Variants in WHRN observed in about 807,000 individuals in gnomAD.
The protein encoded by WHRN is CASK-interacting protein CIP98.
In WHRN, 41 loss-of-function variants were observed where a neutral mutation model predicts 68.3. That is an observed-to-expected ratio of 0.60 (90% CI 0.47 to 0.78). The LOEUF is 0.78. WHRN is among the 30% of genes least tolerant of loss of function. The probability of loss-of-function intolerance (pLI) is 0.00; values close to 1 mark genes in which losing one functional copy is unlikely to be tolerated. For synonymous variants in WHRN, 560 were observed against 561.3 expected (o/e 1.00, Z 0.03); for missense variants, 1,243 against 1,244.7 (o/e 1.00, Z 0.02).
chr9:114,402,092 GA>G lies in WHRN; in HGVS notation c.*661del, dbSNP rs1834735498. 1 of 154,380 alleles carries G rather than the reference GA, an allele frequency of 6.5e-6. No individual in the cohort carries two copies. Among genetic ancestry groups the G allele is most frequent in the South Asian group, 2.0e-4 (1 of 4,936 alleles). 9.6% of individuals were successfully genotyped at this position (154,380 alleles called of 1,614,324 possible). A position where few individuals can be genotyped will look rare whatever the true frequency, so the allele number is the denominator to read the frequency against. The stretch of plus-strand genomic sequence containing the variant: ...GCACGCTGACGTCTAACCTTGTTCA[GA>G]TTTCTTTATTGAAAAATTAAAGTCA... On this transcript the variant is annotated 3_prime_UTR_variant, in exon 12 of 12. Coordinates refer to ENST00000362057, the MANE Select transcript of WHRN (RefSeq NM_015404.4).
chr9:114,424,956 A>G, intron 5 of WHRN, 32 bp downstream of exon 5: 2 of 1,611,620 alleles, frequency 1.2e-6, no homozygotes, highest in East Asian at 2.2e-5. Flanking sequence ...AGCTGTGAGG[A>G]AGCAGAGAAT....
chr9:114,488,518 G>A (rs1432393747), intron 1 of WHRN, among the ~76,000 whole-genome samples: 1 of 152,002 alleles, frequency 6.6e-6, no homozygotes. Context: ...TAAACACCAG[G>A]CCAATCCTAC....
At position 114,407,986 on chromosome 9, in the gene WHRN, A is replaced by G. The variant is rs776775092; in HGVS notation, c.1659T>C (p.Ala553=). The change falls in exon 8 of 12, where the codon GCT becomes GCC. Residue 553 remains alanine, a synonymous_variant. Coordinates refer to ENST00000362057, the MANE Select transcript of WHRN (RefSeq NM_015404.4). ...NTLDLEETGE[A]VQGNINALPD... ...GGAGGGCGTTGATATTGCCCTGGAC[A>G]GCCTCGCCAGTTTCCTCCAGGTCCA... The G allele has an allele frequency of 6.2e-7, 1 of 1,604,652 alleles. No homozygotes were observed. Among genetic ancestry groups the G allele is most frequent in the Non-Finnish European group, 8.5e-7 (1 of 1,175,086 alleles).
chr9:114,440,300 A>C (rs1381383517), intron 3 of WHRN, among the ~76,000 whole-genome samples: 1 of 152,106 alleles, frequency 6.6e-6, no homozygotes, highest in Non-Finnish European at 1.5e-5. Flanking sequence ...GCAGCGATGC[A>C]ATCTTGGCTT....
At chr9:114,412,696 T>G (rs1835534064) in intron 7 of WHRN, among the ~76,000 whole-genome samples, 1 of 152,234 alleles carries the variant, frequency 6.6e-6, no homozygotes, top group Non-Finnish European at 1.5e-5. Context: ...AAAGAACCCC[T>G]TATTTCCTGA....
chr9:114,434,931 T>C (rs112414956), intron 3 of WHRN, among the ~76,000 whole-genome samples: 1,997 of 152,244 alleles, frequency 0.013, 30 homozygotes, highest in African/African-American at 0.046. Context: ...CCAACCATAC[T>C]TGCCATCTCT....
chr9:114,490,865 G>C (rs1411626269), intron 1 of WHRN, among the ~76,000 whole-genome samples: 1 of 152,216 alleles, frequency 6.6e-6, no homozygotes, highest in Non-Finnish European at 1.5e-5. Flanking sequence ...AACTCATAAG[G>C]ACAGAACAGA....
chr9:114,405,615 TCAC>T (rs1414300574), intron 9 of WHRN, among the ~76,000 whole-genome samples: 1 of 152,212 alleles, frequency 6.6e-6, no homozygotes, highest in Non-Finnish European at 1.5e-5. Flanking sequence ...CTGGGTCTTC[TCAC>T]CACGTCTGCC....
rs547228350 is a variant in WHRN at position 114,459,870 on chromosome 9, G to A, written c.963+6397C>T. Among the ~76,000 whole-genome samples the A allele has an allele frequency of 2.0e-5, 3 of 152,326 alleles. No homozygotes were observed. The East Asian group carries it at 5.8e-4, about 29-fold the overall frequency. On this transcript the variant is annotated intron_variant, in intron 3 of 11. Coordinates refer to ENST00000362057, the MANE Select transcript of WHRN (RefSeq NM_015404.4). ...ATTATATAGTAACTGATGTAGTTTG[G>A]ATGTTTGTCCCCTCCGAATCTCATG...
At chr9:114,489,357 T>C (rs553840813) in intron 1 of WHRN, among the ~76,000 whole-genome samples, 2 of 152,286 alleles carry the variant, frequency 1.3e-5, no homozygotes, top group East Asian at 3.9e-4. Flanking sequence ...ATTTCTCTAG[T>C]AGAATGGAAA....
chr9:114,446,084 T>C (rs1298695107), intron 3 of WHRN, among the ~76,000 whole-genome samples: 1 of 152,108 alleles, frequency 6.6e-6, no homozygotes, highest in African/African-American at 2.4e-5. Context: ...TGACAGAAAC[T>C]ACATCAAGAT....
intron 3 of WHRN, among the ~76,000 whole-genome samples, chr9:114,443,569 C>T (rs1020454685): frequency 4.6e-5 from 7 of 152,212 alleles, no homozygotes; most frequent in African/African-American, 1.7e-4. Context: ...CGCGACCCAC[C>T]AGGATAATCC....
At chr9:114,467,670 C>T (rs866263148) in intron 2 of WHRN, among the ~76,000 whole-genome samples, 1 of 152,050 alleles carries the variant, frequency 6.6e-6, no homozygotes, top group East Asian at 1.9e-4. Context: ...GGGGTGGCTG[C>T]GGGCAGATTC....
chr9:114,469,091 AATGGGTCC>A (rs1840968755), intron 2 of WHRN, among the ~76,000 whole-genome samples: 1 of 152,166 alleles, frequency 6.6e-6, no homozygotes, highest in South Asian at 2.1e-4. Context: ...GTGAGGGATG[AATGGGTCC>A]ATTTGTGTAG....
intron 3 of WHRN, among the ~76,000 whole-genome samples, chr9:114,447,632 G>C (rs1838943320): frequency 6.6e-6 from 1 of 152,184 alleles, no homozygotes; most frequent in Admixed American, 6.5e-5. Flanking sequence ...GCTGTGGTTT[G>C]AATGTGTGTC....
chr9:114,485,679 G>A (rs867670773), intron 1 of WHRN, among the ~76,000 whole-genome samples: 45 of 150,382 alleles, frequency 3.0e-4, no homozygotes, highest in African/African-American at 5.6e-4. Context: ...GCTACAGAGC[G>A]AGACTCCGTC....
At chr9:114,415,321 A>G (rs961856205) in intron 7 of WHRN, among the ~76,000 whole-genome samples, 3 of 150,800 alleles carry the variant, frequency 2.0e-5, no homozygotes, top group Non-Finnish European at 4.4e-5. Flanking sequence ...CTTACTCAAG[A>G]TTCTCCAGAG....
intron 3 of WHRN, among the ~76,000 whole-genome samples, chr9:114,430,984 G>T (rs972357133): frequency 6.6e-6 from 1 of 152,084 alleles, no homozygotes; most frequent in Non-Finnish European, 1.5e-5. Context: ...CTACTTGTTG[G>T]AAAGCTTCCC....
Position 114,402,503 on chromosome 9 carries a change from T to C in WHRN, c.*251A>G, listed in dbSNP as rs1004733833. 2.1e-5 allele frequency: 12 copies of C among 564,408 alleles called. No homozygotes were observed. The highest frequency in any genetic ancestry group is 3.5e-5 in the Non-Finnish European group (11 of 314,782). 35.0% of individuals were successfully genotyped at this position (564,408 alleles called of 1,614,324 possible). On this transcript the variant is annotated 3_prime_UTR_variant, in exon 12 of 12. Transcript: ENST00000362057. ...CCTTCCTTTTCCTTTCTTCCTGTCT[T>C]GCAACCCACTTGTCCTGGGCGCCTA...
Sources: allele counts gnomAD v4.1 joint callset (sites outside exome capture counted in the v4.1 genomes callset), GRCh38; gene constraint gnomAD v4.1.1; transcripts MANE v1.5; gene names NCBI Gene and HGNC (gene_info 2026-07-23, HGNC 2026-07-21).